Variants in ZNF232 observed in about 807,000 individuals in gnomAD.
ZNF232 encodes zinc finger and SCAN domain-containing protein 11.
In ZNF232, 25 loss-of-function variants were observed where a neutral mutation model predicts 25.2. The observed-to-expected ratio is 0.99, with a 90% CI of 0.72 to 1.39. The LOEUF (loss-of-function observed/expected upper bound fraction) is 1.39, where lower values mean the gene tolerates loss of function less well. Ranked by LOEUF, ZNF232 falls within the 40% of genes most tolerant of loss-of-function variation. The probability of loss-of-function intolerance (pLI) is 0.00; values close to 1 mark genes in which losing one functional copy is unlikely to be tolerated. For synonymous variants in ZNF232, 193 were observed against 182.9 expected, an observed-to-expected ratio of 1.06 and a Z score of -0.45; for missense variants, 519 against 520.9, an observed-to-expected ratio of 1.00 and a Z score of 0.04.
At chr17:5,119,046 G>T (rs1181428288) in intron 1 of ZNF232, among the ~76,000 whole-genome samples, 1 of 152,140 alleles carries the variant, frequency 6.6e-6, no homozygotes, top group Admixed American at 6.5e-5. Context: ...TTTCACTGGG[G>T]GCCTGCCACA....
chr17:5,112,024 A>C, upstream of ZNF232: 1 of 753,740 alleles, frequency 1.3e-6, no homozygotes, highest in Non-Finnish European at 2.1e-6. Flanking sequence ...CGGAGCGAGA[A>C]AGAGCGCGCC....
upstream of ZNF232, among the ~76,000 whole-genome samples, chr17:5,112,651 A>T (rs1449374365): frequency 6.7e-6 from 1 of 149,802 alleles, no homozygotes; most frequent in Non-Finnish European, 1.5e-5. Flanking sequence ...ACGGCGTTTC[A>T]CCATATTAGC....
intron 2 of ZNF232, 95 bp from the exon 3 acceptor site, chr17:5,109,147 T>C: frequency 6.4e-7 from 1 of 1,566,134 alleles, no homozygotes. Context: ...GTGACCCTCC[T>C]TGGACCAAAG....
upstream of ZNF232, chr17:5,115,098 C>T (rs1317114590): frequency 2.0e-5 from 3 of 151,828 alleles, no homozygotes; most frequent in Non-Finnish European, 4.4e-5. Context: ...TAGAAGGACC[C>T]CACGTCAAAA....
chr17:5,121,511 C>A (rs186002867), intron 1 of ZNF232: 110 of 212,314 alleles, frequency 5.2e-4, no homozygotes, highest in Admixed American at 1.2e-3. Flanking sequence ...GTCCCCTCCC[C>A]ACCCTGTACC....
At chr17:5,110,035 G>A (rs1452489008) in intron 1 of ZNF232, among the ~76,000 whole-genome samples, 167 bp from the exon 2 acceptor site, 1 of 151,950 alleles carries the variant, frequency 6.6e-6, no homozygotes, top group Non-Finnish European at 1.5e-5. Flanking sequence ...GATTACAGGC[G>A]CCTGCCACCA....
chr17:5,106,724 T>C (rs1055860160), intron 3 of ZNF232, among the ~76,000 whole-genome samples, 191 bp from the exon 4 acceptor site: 2 of 152,204 alleles, frequency 1.3e-5, no homozygotes, highest in African/African-American at 2.4e-5. Flanking sequence ...ATTTATCTGC[T>C]TTTTTTCCCC....
At chr17:5,116,033 G>A (rs1359066801), upstream of ZNF232, among the ~76,000 whole-genome samples, 7 of 152,228 alleles carry the variant, frequency 4.6e-5, no homozygotes, top group Non-Finnish European at 1.0e-4. Flanking sequence ...AGGCAGAGGG[G>A]ACAGCTAGCG....
intron 1 of ZNF232, among the ~76,000 whole-genome samples, chr17:5,121,222 A>C (rs2072654327): frequency 6.6e-6 from 1 of 152,158 alleles, no homozygotes; most frequent in Non-Finnish European, 1.5e-5. Flanking sequence ...GAATTCCTCC[A>C]AGGTCCAACG....
At chr17:5,111,295 A>G (rs141521589) in intron 1 of ZNF232, 11 of 159,090 alleles carry the variant, frequency 6.9e-5, no homozygotes, top group South Asian at 2.0e-4. Flanking sequence ...TCCCTTTGTC[A>G]TAGTAAGTTT....
exon 4 of ZNF232, chr17:5,105,777 G>T (rs752745149): frequency 6.7e-7 from 1 of 1,492,758 alleles, no homozygotes; most frequent in Non-Finnish European, 9.0e-7. Context: ...TCCTAAAGTA[G>T]ATTAGACCGA....
At chr17:5,110,608 A>T (rs970912841) in intron 1 of ZNF232, among the ~76,000 whole-genome samples, 1 of 152,226 alleles carries the variant, frequency 6.6e-6, no homozygotes, top group African/African-American at 2.4e-5. Flanking sequence ...TAGTAGCTAC[A>T]GCAAAAGAAA....
At chr17:5,108,124 A>T (rs184751765) in intron 3 of ZNF232, among the ~76,000 whole-genome samples, 2,719 of 152,244 alleles carry the variant, frequency 0.018, 88 homozygotes, top group East Asian at 0.15. Flanking sequence ...TTTTGTAACT[A>T]AGAAGAATTT....
exon 3 of ZNF232, chr17:5,108,933 T>C (rs1310121244): frequency 6.2e-6 from 10 of 1,614,018 alleles, no homozygotes; most frequent in Non-Finnish European, 8.5e-6. Flanking sequence ...CACCACTCTT[T>C]GGGAAAGGCT....
exon 2 of ZNF232, chr17:5,109,433 C>A (rs779642812): frequency 3.1e-6 from 5 of 1,613,804 alleles, no homozygotes; most frequent in Admixed American, 1.7e-5. Flanking sequence ...AATCCTCCAG[C>A]ACAGTCACAG....
intron 1 of ZNF232, among the ~76,000 whole-genome samples, chr17:5,116,938 G>A (rs1411746954): frequency 1.3e-5 from 2 of 152,220 alleles, no homozygotes; most frequent in South Asian, 2.1e-4. Context: ...AACAGCTCGT[G>A]GAAAGGCCAC....
At chr17:5,111,842 G>C (rs770524594), upstream of ZNF232, 7 of 1,613,732 alleles carry the variant, frequency 4.3e-6, no homozygotes, top group South Asian at 6.6e-5. Flanking sequence ...GCCGCGAATC[G>C]CGCCACTTAC....
upstream of ZNF232, among the ~76,000 whole-genome samples, chr17:5,116,205 A>G (rs1026730586): frequency 1.4e-5 from 2 of 140,162 alleles, no homozygotes; most frequent in Non-Finnish European, 3.3e-5. Flanking sequence ...GGCCGCGGGC[A>G]GCGCTCGAGA....
chr17:5,109,523 C>A, exon 2 of ZNF232: 1 of 1,614,246 alleles, frequency 6.2e-7, no homozygotes, highest in South Asian at 1.1e-5. Flanking sequence ...ATTGTTCCAG[C>A]ACCAGGAACT....
Sources: gnomAD v4.1 joint callset for allele counts (sites outside exome capture counted in the v4.1 genomes callset) on GRCh38, gnomAD v4.1.1 for gene constraint, MANE v1.5 for transcripts, NCBI Gene and HGNC (gene_info 2026-07-23, HGNC 2026-07-21) for gene names.